Variants in DAB1 observed in about 807,000 individuals in gnomAD.
DAB1 encodes the protein disabled homolog 1.
Under a neutral mutation model 64.6 loss-of-function variants are expected in DAB1, and 15 were observed. The observed-to-expected ratio is 0.23, with a 90% CI of 0.16 to 0.36. The LOEUF (loss-of-function observed/expected upper bound fraction) is 0.36. Ranked by LOEUF, DAB1 falls within the 10% of genes least tolerant of loss-of-function variation. The probability of loss-of-function intolerance (pLI) is 1.00; values close to 1 mark genes in which losing one functional copy is unlikely to be tolerated. For missense variants in DAB1, 596 were observed against 706.7 expected (o/e 0.84, Z 1.78); for synonymous variants, 235 against 251.9 (o/e 0.93, Z 0.64).
chr1:58,305,310 G>C (rs1662280643), intron 4 of DAB1, among the ~76,000 whole-genome samples: 1 of 152,138 alleles, frequency 6.6e-6, no homozygotes, highest in South Asian at 2.1e-4. Flanking sequence ...ATATCTCCCA[G>C]AATCACAGCA....
At chr1:57,414,782 A>G (rs1380967550) in intron 1 of DAB1, among the ~76,000 whole-genome samples, 2 of 152,274 alleles carry the variant, frequency 1.3e-5, no homozygotes, top group Admixed American at 6.5e-5. Flanking sequence ...AATATAAACC[A>G]CCTAAAACTC....
chr1:57,350,080 T>C (rs929469239), intron 1 of DAB1, among the ~76,000 whole-genome samples: 3 of 152,232 alleles, frequency 2.0e-5, no homozygotes, highest in Admixed American at 1.3e-4. Context: ...TACTAGCCCA[T>C]GCTGGCACAT....
In DAB1 at chr1:57,598,228, C is replaced by T. The variant is rs368190558; in HGVS notation, n.625+51364G>A. Among the ~76,000 whole-genome samples, 34 of 152,348 alleles carry T rather than the reference C, an allele frequency of 2.2e-4. No homozygotes were observed. The East Asian group carries it at 4.8e-3, about 22-fold the overall frequency. ...CGATCTCCTGACCTCGTGATCCACC[C>T]GCCTCGGCCTCCCAAAGTGCTGGGA... On this transcript the variant is annotated intron_variant and non_coding_transcript_variant, in intron 7 of 20. Transcript: ENST00000485760.
intron 5 of DAB1, among the ~76,000 whole-genome samples, chr1:57,979,495 G>A (rs938004650): frequency 6.6e-5 from 10 of 152,154 alleles, no homozygotes; most frequent in East Asian, 5.8e-4. Flanking sequence ...GCAAACCACC[G>A]TGGCATGTGT....
In DAB1 at chr1:58,452,401, A is replaced by G. The variant is rs192702651; in HGVS notation, n.257+53659T>C. 3.2e-3 allele frequency among the ~76,000 whole-genome samples: 484 copies of G among 152,222 alleles called. 1 individual carries two copies. Among genetic ancestry groups the G allele is most frequent in the Middle Eastern group, 6.8e-3 (2 of 294 alleles). On this transcript the variant is annotated intron_variant and non_coding_transcript_variant, in intron 3 of 20. Transcript: ENST00000485760. Reference sequence around the variant, plus strand: ...ATTATAACCCTATGAAAATGGCTAAAAAAAAAAGAAGACAAAGCCACATGT... The same window carrying G: ...ATTATAACCCTATGAAAATGGCTAAGAAAAAAAGAAGACAAAGCCACATGT...
chr1:57,445,427 A>T (rs376785503), intron 7 of DAB1, among the ~76,000 whole-genome samples: 1 of 152,168 alleles, frequency 6.6e-6, no homozygotes, highest in East Asian at 1.9e-4. Context: ...CCATACCAGC[A>T]TCTACTATGG....
chr1:58,249,941 C>G (rs1208004028), intron 4 of DAB1, among the ~76,000 whole-genome samples: 1 of 152,214 alleles, frequency 6.6e-6, no homozygotes. Context: ...CGCGGTGAGA[C>G]GCGCGCCGCC....
chr1:57,648,731 T>C (rs1646223039), intron 7 of DAB1, among the ~76,000 whole-genome samples: 2 of 152,176 alleles, frequency 1.3e-5, no homozygotes, highest in South Asian at 2.1e-4. Context: ...TAATGGACCA[T>C]TGTTTAATTT....
chr1:57,074,736 C>A (rs1651826704), intron 4 of DAB1, among the ~76,000 whole-genome samples: 1 of 152,160 alleles, frequency 6.6e-6, no homozygotes, highest in Admixed American at 6.5e-5. Flanking sequence ...TATGACTGCT[C>A]AGTTACCCTA....
intron 5 of DAB1, among the ~76,000 whole-genome samples, chr1:58,051,871 C>G (rs752882384): frequency 6.6e-6 from 1 of 152,108 alleles, no homozygotes; most frequent in Non-Finnish European, 1.5e-5. Context: ...TGTTCATATC[C>G]TTTGTCAACT....
chr1:57,735,609 G>GTTT (rs59456674), intron 6 of DAB1, among the ~76,000 whole-genome samples: 92 of 95,084 alleles, frequency 9.7e-4, no homozygotes, highest in East Asian at 2.0e-3. Flanking sequence ...CTGTTTGCTT[G>GTTT]TTTTTTTTTT....
At chr1:58,390,320 C>A (rs574864450) in intron 3 of DAB1, among the ~76,000 whole-genome samples, 1 of 152,202 alleles carries the variant, frequency 6.6e-6, no homozygotes, top group Non-Finnish European at 1.5e-5. Flanking sequence ...GACTTATTAC[C>A]AGGATCATGT....
At chr1:57,185,516 C>A (rs371604393) in intron 2 of DAB1, among the ~76,000 whole-genome samples, 87 of 112,366 alleles carry the variant, frequency 7.7e-4, no homozygotes, top group Non-Finnish European at 1.3e-3. Context: ...GAATCCTAGG[C>A]AACCAAGACA....
chr1:57,475,348 A>G (rs1643923653), intron 7 of DAB1, among the ~76,000 whole-genome samples: 2 of 152,202 alleles, frequency 1.3e-5, no homozygotes, highest in African/African-American at 4.8e-5. Context: ...GAAGCCAGGT[A>G]TGGCAAAGTG....
intron 3 of DAB1, among the ~76,000 whole-genome samples, chr1:58,373,612 G>C (rs1644292909): frequency 6.6e-6 from 1 of 151,938 alleles, no homozygotes. Flanking sequence ...TTGCTATTGT[G>C]AATAATGCCG....
intron 5 of DAB1, among the ~76,000 whole-genome samples, chr1:58,107,679 C>T (rs183351278): frequency 3.1e-4 from 47 of 151,912 alleles, no homozygotes; most frequent in Middle Eastern, 3.4e-3. Flanking sequence ...TGCAGTGGTG[C>T]AATCTCAGCT....
chr1:58,030,063 A>C (rs1646949130), intron 5 of DAB1, among the ~76,000 whole-genome samples: 1 of 151,946 alleles, frequency 6.6e-6, no homozygotes, highest in African/African-American at 2.4e-5. Flanking sequence ...AAAATTAGCC[A>C]GGTGTTGTGG....
chr1:57,758,749 T>C (rs573259768), intron 6 of DAB1, among the ~76,000 whole-genome samples: 1 of 152,316 alleles, frequency 6.6e-6, no homozygotes, highest in African/African-American at 2.4e-5. Flanking sequence ...GAAAATAGTT[T>C]TGTTTTTTTT....
chr1:57,326,037 G>A (rs1002907205), intron 1 of DAB1, among the ~76,000 whole-genome samples: 12 of 152,066 alleles, frequency 7.9e-5, no homozygotes, highest in Middle Eastern at 3.2e-3. Flanking sequence ...ATTTACTAGG[G>A]ATTTCTCCGA....
Sources: gnomAD v4.1 joint callset for allele counts (sites outside exome capture counted in the v4.1 genomes callset) on GRCh38, gnomAD v4.1.1 for gene constraint, MANE v1.5 for transcripts, NCBI Gene and HGNC (gene_info 2026-07-23, HGNC 2026-07-21) for gene names.